Variants in CEACAM20 observed in about 807,000 individuals in gnomAD.
CEACAM20 encodes the protein CEA cell adhesion molecule 20, also known as cell adhesion molecule CEACAM20.
CEACAM20 carries 50 observed loss-of-function variants against 61.2 expected under a neutral mutation model. The ratio of observed to expected loss-of-function variants is 0.82; its 90% confidence interval spans 0.65 to 1.03. CEACAM20 has a LOEUF of 1.03. Among genes scored for constraint, CEACAM20 ranks in the 50% least tolerant of loss-of-function variants. The probability of loss-of-function intolerance (pLI) is 0.00; values close to 1 mark genes in which losing one functional copy is unlikely to be tolerated. For missense variants in CEACAM20, 683 were observed against 736.4 expected (o/e 0.93, Z 0.84); for synonymous variants, 282 against 287.7 (o/e 0.98, Z 0.20).
chr19:44,522,157 T>A (rs1443144481), intron 4 of CEACAM20, among the ~76,000 whole-genome samples: 1 of 151,576 alleles, frequency 6.6e-6, no homozygotes, highest in Non-Finnish European at 1.5e-5. Flanking sequence ...CAGGCTGGAG[T>A]GCAGTGGCGT....
intron 11 of CEACAM20, among the ~76,000 whole-genome samples, chr19:44,509,779 AG>A (rs1970918406): frequency 6.6e-6 from 1 of 152,196 alleles, no homozygotes; most frequent in Non-Finnish European, 1.5e-5. Context: ...TGAATGGAAA[AG>A]AAAGAAGGGA....
chr19:44,511,791 C>T (rs1238733828), intron 9 of CEACAM20, 119 bp from the exon 10 acceptor site: 2 of 1,085,828 alleles, frequency 1.8e-6, no homozygotes, highest in African/African-American at 1.6e-5. Context: ...TCCCAGAGGG[C>T]TCAAAGCTAG....
chr19:44,528,336 A>G (rs1338769605), intron 1 of CEACAM20, among the ~76,000 whole-genome samples: 2 of 151,552 alleles, frequency 1.3e-5, no homozygotes, highest in African/African-American at 4.8e-5. Context: ...TCAAGCAATT[A>G]TCTGCCTCAG....
intron 6 of CEACAM20, 61 bp downstream of exon 6, chr19:44,516,885 T>C: frequency 6.5e-7 from 1 of 1,538,508 alleles, no homozygotes. Flanking sequence ...ACTAGGTAGC[T>C]GGGACCAGCA....
At chr19:44,510,529 A>G (rs1970941331) in intron 11 of CEACAM20, among the ~76,000 whole-genome samples, 1 of 134,594 alleles carries the variant, frequency 7.4e-6, no homozygotes, top group Non-Finnish European at 1.6e-5. Flanking sequence ...AAAAAGAAAG[A>G]TGAAAGGAAG....
At position 44,525,164 on chromosome 19, in the gene CEACAM20, C is replaced by T. The variant is rs370336865; in HGVS notation, c.133G>A (p.Glu45Lys). 5.0e-5 allele frequency: 80 copies of T among 1,610,590 alleles called. No homozygotes were observed. The highest frequency in any genetic ancestry group is 6.5e-5 in the Non-Finnish European group (77 of 1,178,602). ...NANPLDATQS[E>K]DVVLPVFGTP... The stretch of plus-strand genomic sequence containing the variant: ...CCAAACACAGGCAGAACAACATCCT[C>T]ACTTTGGGTGGCATCAAGTGGGTTG... Residue 45 changes from glutamate (E) to lysine (K), a missense_variant, in exon 2 of 12, where the codon GAG becomes AAG. Transcript: ENST00000614924.
chr19:44,508,751 A>G (rs1970888482), intron 11 of CEACAM20, among the ~76,000 whole-genome samples: 1 of 152,208 alleles, frequency 6.6e-6, no homozygotes, highest in Non-Finnish European at 1.5e-5. Flanking sequence ...GTTACCAGGA[A>G]GCTTAGAGAC....
At chr19:44,520,264 C>A (rs1479921669) in intron 5 of CEACAM20, among the ~76,000 whole-genome samples, 2 of 152,208 alleles carry the variant, frequency 1.3e-5, no homozygotes, top group African/African-American at 4.8e-5. Flanking sequence ...TGTCCCTAAG[C>A]CTTATCACCT....
At chr19:44,506,286 G>A in intron 11 of CEACAM20, 72 bp from the exon 12 acceptor site, 1 of 1,339,050 alleles carries the variant, frequency 7.5e-7, no homozygotes, top group Non-Finnish European at 1.1e-6. Flanking sequence ...TGTAGTCTGG[G>A]GCCCAAACAG....
At chr19:44,508,631 C>G (rs1970885165) in intron 11 of CEACAM20, among the ~76,000 whole-genome samples, 1 of 152,168 alleles carries the variant, frequency 6.6e-6, no homozygotes, top group African/African-American at 2.4e-5. Flanking sequence ...CTCAAGTGAT[C>G]TGCTCGCCTC....
intron 3 of CEACAM20, 57 bp from the exon 4 acceptor site, chr19:44,522,969 T>C: frequency 4.2e-6 from 6 of 1,445,024 alleles, no homozygotes; most frequent in East Asian, 4.8e-5. Context: ...AGGTCTCTTA[T>C]GGAGGTCTTT....
At chr19:44,522,153 G>A (rs980641894) in intron 4 of CEACAM20, among the ~76,000 whole-genome samples, 1 of 151,778 alleles carries the variant, frequency 6.6e-6, no homozygotes, top group Non-Finnish European at 1.5e-5. Context: ...CGCCCAGGCT[G>A]GAGTGCAGTG....
chr19:44,515,737 G>T (rs777467771), intron 6 of CEACAM20, among the ~76,000 whole-genome samples: 1 of 152,122 alleles, frequency 6.6e-6, no homozygotes, highest in Non-Finnish European at 1.5e-5. Context: ...GCTGAAGCGG[G>T]ACGATCACTT....
chr19:44,514,271 T>C (rs185473055), intron 6 of CEACAM20, among the ~76,000 whole-genome samples: 9 of 152,274 alleles, frequency 5.9e-5, no homozygotes, highest in Admixed American at 5.2e-4. Context: ...TCATCAATAT[T>C]GGCCTGCCGA....
intron 3 of CEACAM20, among the ~76,000 whole-genome samples, chr19:44,523,282 G>A (rs959308127): frequency 2.6e-5 from 4 of 151,940 alleles, no homozygotes; most frequent in African/African-American, 9.7e-5. Context: ...AATGGCTCAT[G>A]CCTGTAGTCC....
At chr19:44,510,370 G>C (rs1970935165) in intron 11 of CEACAM20, among the ~76,000 whole-genome samples, 1 of 151,946 alleles carries the variant, frequency 6.6e-6, no homozygotes, top group African/African-American at 2.4e-5. Context: ...AAAATTAGCT[G>C]GGTGTGATGG....
Position 44,511,064 on chromosome 19 carries a change from G to A in CEACAM20, c.1703C>T (p.Ser568Phe), listed in dbSNP as rs1419792353. Residue 568 changes from serine (S) to phenylalanine (F), a missense_variant, in exon 11 of 12, where the codon TCC becomes TTC. Physicochemically the swap from Ser to Phe is radical, Grantham distance 155 (BLOSUM62 -2). Coordinates refer to ENST00000614924, the MANE Select transcript of CEACAM20 (RefSeq NM_001102597.3). ...TGACTCCATGTTTTTTGGCACAGTG[G>A]AGACCAATCTGAGTGGGGGCATCAG... ...KPLMPPLRLV[S>F]TVPKNMESIY... The A allele has an allele frequency of 9.9e-6, 16 of 1,613,844 alleles. No individual in the cohort carries two copies. The highest frequency in any genetic ancestry group is 1.4e-5 in the Non-Finnish European group (16 of 1,179,868).
rs547662931 is a variant in CEACAM20, at chr19:44,515,370, C to A, written c.1309+1576G>T. ...TGAACTCCCTGCTGCCTTCCCTGAG[C>A]CTGTTGCTCCATCCATCAAATGGTC... On this transcript the variant is annotated intron_variant, in intron 6 of 11. Coordinates refer to ENST00000614924, the MANE Select transcript of CEACAM20 (RefSeq NM_001102597.3). 3.3e-5 allele frequency among the ~76,000 whole-genome samples: 5 copies of A among 152,224 alleles called. No individual in the cohort carries two copies. In the South Asian group the frequency reaches 1.0e-3, roughly 32 times the overall value.
intron 5 of CEACAM20, among the ~76,000 whole-genome samples, chr19:44,518,107 G>GAAAGAAAGAAAGAAAGAAAGAAAGAGA (rs1568452831): frequency 2.5e-5 from 1 of 40,706 alleles, no homozygotes; most frequent in African/African-American, 1.1e-4. Context: ...AGAAAGAAAG[G>GAAAGAAAGAAAGAAAGAAAGAAAGAGA]AAGGAAGGAA....
Sources: gnomAD v4.1 joint callset for allele counts (sites outside exome capture counted in the v4.1 genomes callset) on GRCh38, gnomAD v4.1.1 for gene constraint, MANE v1.5 for transcripts, NCBI Gene and HGNC (gene_info 2026-07-23, HGNC 2026-07-21) for gene names.